The following MEIS1 variants were observed in gnomAD, a reference collection of about 807,000 sequenced individuals.
The protein encoded by MEIS1 is Meis homeobox 1.
In MEIS1, 5 loss-of-function variants were observed where a neutral mutation model predicts 50.8. The observed-to-expected ratio is 0.10, with a 90% CI of 0.05 to 0.21. The LOEUF (loss-of-function observed/expected upper bound fraction) is 0.21. Among genes scored for constraint, MEIS1 ranks in the 10% least tolerant of loss-of-function variants. The pLI is 1.00. For synonymous variants in MEIS1, 176 were observed against 179.3 expected (o/e 0.98, Z 0.15); for missense variants, 318 against 517.3 (o/e 0.61, Z 3.74).
At chr2:66,567,307 C>A in intron 9 of MEIS1, 146 bp from the exon 10 acceptor site, 1 of 802,038 alleles carries the variant, frequency 1.2e-6, no homozygotes, top group Non-Finnish European at 2.1e-6. Flanking sequence ...GCACGTGAGG[C>A]TGCACATAGA....
intron 8 of MEIS1, among the ~76,000 whole-genome samples, chr2:66,541,065 TCTCA>T (rs1322755193): frequency 6.6e-6 from 1 of 151,722 alleles, no homozygotes; most frequent in African/African-American, 2.4e-5. Flanking sequence ...TTTGAGACAG[TCTCA>T]CTCAGTCACC....
At chr2:66,469,933 TA>T (rs61373145) in intron 7 of MEIS1, among the ~76,000 whole-genome samples, 55 of 148,574 alleles carry the variant, frequency 3.7e-4, no homozygotes, top group South Asian at 1.3e-3. Flanking sequence ...CAATTTTCTT[TA>T]AAAAAAAAAC....
intron 7 of MEIS1, among the ~76,000 whole-genome samples, chr2:66,503,104 A>T (rs1053663816): frequency 1.3e-5 from 2 of 152,198 alleles, no homozygotes; most frequent in Non-Finnish European, 1.5e-5. Flanking sequence ...TCATGATTTA[A>T]TCAGGTGATT....
At chr2:66,488,603 G>A (rs12467756) in intron 7 of MEIS1, among the ~76,000 whole-genome samples, 14,684 of 152,108 alleles carry the variant, frequency 0.097, 1,381 homozygotes, top group African/African-American at 0.24. Flanking sequence ...GCATGAACCC[G>A]GGAGGCAGAG....
At chr2:66,540,875 T>A (rs1037524507) in intron 8 of MEIS1, among the ~76,000 whole-genome samples, 1 of 151,904 alleles carries the variant, frequency 6.6e-6, no homozygotes, top group African/African-American at 2.4e-5. Context: ...TAAGCAACTT[T>A]AAAAAAAATT....
At chr2:66,505,756 C>T (rs889313567) in intron 7 of MEIS1, among the ~76,000 whole-genome samples, 6 of 152,128 alleles carry the variant, frequency 3.9e-5, no homozygotes, top group African/African-American at 1.4e-4. Context: ...ATTATAATTG[C>T]AGAAAGTAGT....
In MEIS1 at chr2:66,464,102, C is replaced by A. The variant is rs994030622; in HGVS notation, c.631-7C>A. The A allele has an allele frequency of 1.9e-6, 3 of 1,584,022 alleles. No individual in the cohort carries two copies. The highest frequency in any genetic ancestry group is 1.7e-6 in the Non-Finnish European group (2 of 1,164,252). Reference sequence around the variant, plus strand: ...CTTATTTGGGTTTCTGATTTGTGCCCCCACAGCCCTCTTGGAACAGAGATC... The same window carrying A: ...CTTATTTGGGTTTCTGATTTGTGCCACCACAGCCCTCTTGGAACAGAGATC... On this transcript the variant is annotated splice_polypyrimidine_tract_variant and splice_region_variant and intron_variant, in intron 6 of 12. Transcript: ENST00000272369.
chr2:66,571,364 G>A lies in MEIS1; in HGVS notation c.*156G>A, dbSNP rs537805904. 1 of 1,601,574 alleles carries A rather than the reference G, an allele frequency of 6.2e-7. No homozygotes were observed. The highest frequency in any genetic ancestry group is 8.5e-7 in the Non-Finnish European group (1 of 1,174,206). ...CCCATCCTGCTCAGCTGCGTCATGG[G>A]CCCCCCATGCATACGTACATTCCTG... On this transcript the variant is annotated 3_prime_UTR_variant, in exon 13 of 13. Transcript: ENST00000272369.
intron 9 of MEIS1, 48 bp from the exon 10 acceptor site, chr2:66,567,405 C>T (rs553099755): frequency 1.4e-5 from 22 of 1,579,378 alleles, no homozygotes; most frequent in East Asian, 1.1e-4. Flanking sequence ...CTCAACCCCC[C>T]CTTTTATTTT....
At position 66,521,036 on chromosome 2, in the gene MEIS1, A is replaced by G. The variant is rs1013300297; in HGVS notation, c.888+8742A>G. On this transcript the variant is annotated intron_variant, in intron 8 of 12. Coordinates refer to ENST00000272369, the MANE Select transcript of MEIS1 (RefSeq NM_002398.3). ...GCCAGAGGGCTTGGCATAAAACTTCATAATGCAATCTGATGGTTATTAGTA... is the reference window on the plus strand; with the variant it reads ...GCCAGAGGGCTTGGCATAAAACTTCGTAATGCAATCTGATGGTTATTAGTA... Among the ~76,000 whole-genome samples, 55 of 152,376 alleles carry G rather than the reference A, an allele frequency of 3.6e-4. 1 individual carries two copies. The highest frequency in any genetic ancestry group is 1.2e-3 in the African/African-American group (51 of 41,592).
At chr2:66,556,849 A>G (rs1366942849) in intron 9 of MEIS1, among the ~76,000 whole-genome samples, 3 of 137,992 alleles carry the variant, frequency 2.2e-5, no homozygotes, top group Admixed American at 7.5e-5. Context: ...TTACCTGACA[A>G]TACTGTTTAC....
intron 7 of MEIS1, among the ~76,000 whole-genome samples, chr2:66,494,886 A>C (rs1468502632): frequency 6.6e-6 from 1 of 152,084 alleles, no homozygotes; most frequent in African/African-American, 2.4e-5. Flanking sequence ...AAGGTTAGTC[A>C]TGAATGCATA....
intron 6 of MEIS1, among the ~76,000 whole-genome samples, chr2:66,444,265 C>A (rs922807650): frequency 1.2e-4 from 18 of 152,102 alleles, no homozygotes; most frequent in Admixed American, 3.9e-4. Context: ...ATCAGCCTGC[C>A]TTTGTTAAGC....
chr2:66,450,248 T>A (rs1228176244), intron 6 of MEIS1, among the ~76,000 whole-genome samples: 1 of 152,186 alleles, frequency 6.6e-6, no homozygotes, highest in Non-Finnish European at 1.5e-5. Flanking sequence ...ACTTCATAAT[T>A]CTATTTACAA....
At position 66,442,987 on chromosome 2, in the gene MEIS1, G is replaced by A. The variant is rs758451287; in HGVS notation, c.569G>A (p.Arg190Lys). The change falls in exon 6 of 13, where the codon AGA (arginine) becomes AAA (lysine). Residue 190 changes from arginine to lysine, a missense_variant. By Grantham distance (26) the Arg-to-Lys change is conservative. Around this residue, in one of 6 missense-constraint regions of MEIS1, gnomAD observed 75 missense variants for 153.7 expected, o/e 0.49. Transcript: ENST00000272369. Reference protein sequence around the residue: ...KMPIDLVIDDREGGSKSDSED... With the variant: ...KMPIDLVIDDKEGGSKSDSED... ...CCTATCGATTTGGTGATAGACGATA[G>A]AGAAGGAGGATCAAAATCAGACAGT... 5 of 1,605,978 alleles carry A rather than the reference G, an allele frequency of 3.1e-6. No individual in the cohort carries two copies. The East Asian group carries it at 9.0e-5, about 29-fold the overall frequency.
intron 9 of MEIS1, among the ~76,000 whole-genome samples, chr2:66,562,960 A>T (rs548312626): frequency 3.5e-4 from 53 of 152,294 alleles, no homozygotes; most frequent in African/African-American, 1.3e-3. Context: ...TTCTAACCTT[A>T]AAGCATACTA....
At chr2:66,487,835 C>T (rs2103799832) in intron 7 of MEIS1, among the ~76,000 whole-genome samples, 1 of 152,324 alleles carries the variant, frequency 6.6e-6, no homozygotes, top group East Asian at 1.9e-4. Flanking sequence ...TGCTTACAAA[C>T]CTAGCTAGAA....
intron 7 of MEIS1, among the ~76,000 whole-genome samples, chr2:66,510,900 T>G (rs1226733403): frequency 1.3e-5 from 2 of 152,202 alleles, no homozygotes; most frequent in Non-Finnish European, 2.9e-5. Context: ...GCCATGGAAA[T>G]GAACCTGAGG....
At chr2:66,519,386 T>C (rs2103868351) in intron 8 of MEIS1, among the ~76,000 whole-genome samples, 1 of 152,308 alleles carries the variant, frequency 6.6e-6, no homozygotes, top group South Asian at 2.1e-4. Flanking sequence ...GCACTTTCAC[T>C]TCAGTATTGC....
Sources: gnomAD v4.1 joint callset for allele counts (sites outside exome capture counted in the v4.1 genomes callset) on GRCh38, gnomAD v4.1.1 for gene constraint, gnomAD v4.1.1 regional missense constraint, MANE v1.5 for transcripts, NCBI Gene and HGNC (gene_info 2026-07-23, HGNC 2026-07-21) for gene names.